PHTF2: variants seen among roughly 807,000 people sequenced by gnomAD.
The protein encoded by PHTF2 is putative homeodomain transcription factor 2, also known as protein PHTF2.
PHTF2 carries 60 observed loss-of-function variants against 101.2 expected under a neutral mutation model. That is an observed-to-expected ratio of 0.59 (90% CI 0.48 to 0.73). The LOEUF is 0.73. Among genes scored for constraint, PHTF2 ranks in the 30% least tolerant of loss-of-function variants. The pLI is 0.00. For missense variants in PHTF2, 747 were observed against 908.7 expected (o/e 0.82, Z 2.29); for synonymous variants, 311 against 307.3 (o/e 1.01, Z -0.13).
At chr7:77,949,167 A>T (rs1412785050) in intron 16 of PHTF2, among the ~76,000 whole-genome samples, 1 of 152,208 alleles carries the variant, frequency 6.6e-6, no homozygotes, top group Non-Finnish European at 1.5e-5. Flanking sequence ...AACCTTGAAA[A>T]CAACATTCAG....
At chr7:77,806,377 T>C (rs977883412) in intron 1 of PHTF2, among the ~76,000 whole-genome samples, 2 of 152,250 alleles carry the variant, frequency 1.3e-5, no homozygotes, top group Non-Finnish European at 2.9e-5. Context: ...ATGATTGTTA[T>C]AATTACTTGG....
intron 3 of PHTF2, among the ~76,000 whole-genome samples, chr7:77,888,196 C>G (rs1800041238): frequency 6.6e-6 from 1 of 152,166 alleles, no homozygotes; most frequent in Admixed American, 6.5e-5. Context: ...CTTACCGCAA[C>G]TTCCTCCTCC....
chr7:77,805,597 T>C (rs1792910341), intron 1 of PHTF2, among the ~76,000 whole-genome samples: 1 of 152,238 alleles, frequency 6.6e-6, no homozygotes, highest in Admixed American at 6.5e-5. Context: ...AATTTTGATA[T>C]GTTTTCATTT....
At chr7:77,861,575 G>T (rs1049072375) in intron 3 of PHTF2, among the ~76,000 whole-genome samples, 8 of 152,040 alleles carry the variant, frequency 5.3e-5, no homozygotes, top group Non-Finnish European at 1.2e-4. Context: ...GTCCTTTATT[G>T]TGAGTTCTCA....
chr7:77,893,994 G>A lies in PHTF2; in HGVS notation c.216+1G>A. The A allele has an allele frequency of 6.2e-7, 1 of 1,600,702 alleles. No homozygotes were observed. The highest frequency in any genetic ancestry group is 8.6e-7 in the Non-Finnish European group (1 of 1,168,084). ...TTGCTCTGTACAGTTTATTAAACTG[G>A]TAAGTGTTTCAGGATTTTTCCCGCC... On this transcript the variant is annotated splice_donor_variant, in intron 5 of 19. Transcript: ENST00000416283. LOFTEE classifies it high-confidence loss of function.
intron 16 of PHTF2, among the ~76,000 whole-genome samples, chr7:77,946,847 G>C (rs909104872): frequency 1.3e-4 from 20 of 151,994 alleles, no homozygotes; most frequent in African/African-American, 4.6e-4. Context: ...ACTGGCCAGG[G>C]ACAGTGACTC....
exon 13 of PHTF2, chr7:77,937,780 A>G (rs750214626): frequency 1.9e-5 from 30 of 1,540,696 alleles, no homozygotes; most frequent in South Asian, 1.9e-4. Flanking sequence ...TGGGAAGGTA[A>G]TGATTGTAAG....
chr7:77,916,166 G>A (rs559329538), intron 9 of PHTF2, among the ~76,000 whole-genome samples: 237 of 151,808 alleles, frequency 1.6e-3, no homozygotes, highest in Middle Eastern at 3.4e-3. Context: ...GTTTATTTTT[G>A]TGCATGTTTT....
At position 77,831,386 on chromosome 7, in the gene PHTF2, G is replaced by A. The variant is rs111693184; in HGVS notation, c.-35-8835G>A. Among the ~76,000 whole-genome samples, 1,136 of 152,350 alleles carry A rather than the reference G, an allele frequency of 7.5e-3. 8 individuals carry two copies. The highest frequency in any genetic ancestry group is 0.011 in the Non-Finnish European group (768 of 68,026). On this transcript the variant is annotated intron_variant, in intron 1 of 19. Transcript: ENST00000416283. Reference sequence around the variant, plus strand: ...GAAGAGTTGATCCTGCCTGCTTGCTGTTAAGGACATTTGTTACGAACTTTT... The same window carrying A: ...GAAGAGTTGATCCTGCCTGCTTGCTATTAAGGACATTTGTTACGAACTTTT...
chr7:77,948,368 T>C (rs11971037), intron 16 of PHTF2, among the ~76,000 whole-genome samples: 16,867 of 152,024 alleles, frequency 0.11, 1,365 homozygotes, highest in African/African-American at 0.22. Flanking sequence ...GAGGTAAAAA[T>C]GGAGCAAAAC....
At chr7:77,826,733 C>G (rs1794720980) in intron 1 of PHTF2, among the ~76,000 whole-genome samples, 1 of 152,152 alleles carries the variant, frequency 6.6e-6, no homozygotes, top group Non-Finnish European at 1.5e-5. Context: ...GCACAATTTT[C>G]AAAGAGGATG....
intron 3 of PHTF2, among the ~76,000 whole-genome samples, chr7:77,881,411 C>T (rs1326806788): frequency 6.6e-6 from 1 of 152,128 alleles, no homozygotes; most frequent in African/African-American, 2.4e-5. Flanking sequence ...GACCACATAA[C>T]ATCCAAACAC....
In PHTF2 at chr7:77,859,909, G is replaced by A. The variant is rs144937463; in HGVS notation, c.147+5075G>A. On this transcript the variant is annotated intron_variant, in intron 3 of 19. Transcript: ENST00000416283. ...TCTTATATGAAGTGTTAAGGAATAC[G>A]TTTATGCAAAATTAAGCACAATTTT... 4.7e-3 allele frequency among the ~76,000 whole-genome samples: 720 copies of A among 152,108 alleles called. 11 individuals are homozygous for A. The highest frequency in any genetic ancestry group is 0.017 in the African/African-American group (689 of 41,510).
intron 2 of PHTF2, among the ~76,000 whole-genome samples, chr7:77,844,384 T>TTTTGG (rs1796113676): frequency 6.6e-6 from 1 of 152,228 alleles, no homozygotes; most frequent in Non-Finnish European, 1.5e-5. Flanking sequence ...AAACCATCAC[T>TTTTGG]TGATTTGTAG....
At chr7:77,951,646 A>G (rs924603667) in exon 18 of PHTF2, 2 of 1,467,270 alleles carry the variant, frequency 1.4e-6, no homozygotes, top group African/African-American at 2.8e-5. Context: ...TGGAGAAAAA[A>G]CCTAACAAAA....
At position 77,916,491 on chromosome 7, in the gene PHTF2, A is replaced by G. The variant is rs771205586; in HGVS notation, c.777-3788A>G. On this transcript the variant is annotated intron_variant, in intron 9 of 19. Coordinates refer to ENST00000416283, the Ensembl canonical transcript of PHTF2. ...TTTTTGACCCTCTTTACCTGCAATAATTGGAATTTAGCTCTCCTACCATTT... is the reference window on the plus strand; with the variant it reads ...TTTTTGACCCTCTTTACCTGCAATAGTTGGAATTTAGCTCTCCTACCATTT... 3.2e-4 allele frequency among the ~76,000 whole-genome samples: 48 copies of G among 152,146 alleles called. 1 individual carries two copies. The highest frequency in any genetic ancestry group is 1.2e-4 in the Non-Finnish European group (8 of 68,026).
intron 12 of PHTF2, 112 bp downstream of exon 11, chr7:77,929,439 A>AT (rs1331816388): frequency 1.6e-5 from 10 of 613,826 alleles, no homozygotes; most frequent in South Asian, 6.9e-5. Context: ...TATTTCTATA[A>AT]TTTTTTTTCT....
intron 3 of PHTF2, among the ~76,000 whole-genome samples, chr7:77,880,624 CT>C (rs1799328634): frequency 6.6e-6 from 1 of 152,110 alleles, no homozygotes; most frequent in Middle Eastern, 3.2e-3. Context: ...CAACGTCCTC[CT>C]TCACATCCCG....
intron 16 of PHTF2, among the ~76,000 whole-genome samples, chr7:77,949,123 A>G (rs1233784619): frequency 1.3e-5 from 2 of 152,198 alleles, no homozygotes; most frequent in Non-Finnish European, 2.9e-5. Flanking sequence ...AGTTAGAATG[A>G]ATAAATTTAG....
Sources: allele counts gnomAD v4.1 joint callset (sites outside exome capture counted in the v4.1 genomes callset), GRCh38; gene constraint gnomAD v4.1.1; transcripts MANE v1.5; gene names NCBI Gene and HGNC (gene_info 2026-07-23, HGNC 2026-07-21).